The following EGFLAM variants were observed in gnomAD, a reference collection of about 807,000 sequenced individuals.
EGFLAM encodes the protein pikachurin.
EGFLAM carries 79 observed loss-of-function variants against 113.1 expected under a neutral mutation model. That is an observed-to-expected ratio of 0.70 (90% CI 0.58 to 0.84). EGFLAM has a LOEUF of 0.84. Among genes scored for constraint, EGFLAM ranks in the 40% least tolerant of loss-of-function variants. EGFLAM has a pLI of 0.00. For synonymous variants in EGFLAM, 504 were observed against 487.6 expected (o/e 1.03, Z -0.44); for missense variants, 1,265 against 1,291.6 (o/e 0.98, Z 0.32).
chr5:38,260,673 A>G (rs1045141521), intron 1 of EGFLAM, among the ~76,000 whole-genome samples: 2 of 152,206 alleles, frequency 1.3e-5, no homozygotes, highest in African/African-American at 4.8e-5. Flanking sequence ...TTCAACCTAG[A>G]AGAGTTTTAT....
intron 1 of EGFLAM, among the ~76,000 whole-genome samples, chr5:38,326,801 ATT>A (rs377427126): frequency 7.4e-5 from 10 of 134,608 alleles, no homozygotes; most frequent in Admixed American, 1.5e-4. Flanking sequence ...CCGTAAGGGT[ATT>A]TTTTTTTTTT....
At chr5:38,285,992 G>C (rs1440743296) in intron 1 of EGFLAM, 2 of 152,144 alleles carry the variant, frequency 1.3e-5, no homozygotes, top group East Asian at 3.9e-4. Flanking sequence ...CCATGATTTA[G>C]TTCCAACTGA....
At chr5:38,365,619 G>C (rs2112022842) in intron 5 of EGFLAM, among the ~76,000 whole-genome samples, 1 of 152,198 alleles carries the variant, frequency 6.6e-6, no homozygotes, top group Middle Eastern at 3.4e-3. Flanking sequence ...TCAATTTAAT[G>C]GTCTTTTACC....
At chr5:38,276,362 C>G (rs1417612587) in intron 1 of EGFLAM, among the ~76,000 whole-genome samples, 2 of 152,078 alleles carry the variant, frequency 1.3e-5, no homozygotes, top group African/African-American at 2.4e-5. Flanking sequence ...ATAAATTGAA[C>G]TATTTCTTGA....
chr5:38,445,406 T>C, intron 17 of EGFLAM: 1 of 1,202,014 alleles, frequency 8.3e-7, no homozygotes, highest in East Asian at 2.9e-5. Context: ...ATTCTAAACA[T>C]CTTCTTGGTC....
chr5:38,334,543 T>G (rs1473718639), intron 1 of EGFLAM, among the ~76,000 whole-genome samples: 1 of 152,208 alleles, frequency 6.6e-6, no homozygotes, highest in African/African-American at 2.4e-5. Flanking sequence ...TCTACAAATA[T>G]GATTACATTA....
chr5:38,304,115 A>G (rs1002702816), intron 1 of EGFLAM, among the ~76,000 whole-genome samples: 4 of 139,822 alleles, frequency 2.9e-5, no homozygotes, highest in East Asian at 2.0e-4. Flanking sequence ...GGCAACAAGA[A>G]CAAAACTCCA....
At position 38,463,817 on chromosome 5, in the gene EGFLAM, C is replaced by G. The variant is rs773955623; in HGVS notation, c.2876-15C>G. On this transcript the variant is annotated splice_polypyrimidine_tract_variant and intron_variant, in intron 21 of 21. Coordinates refer to ENST00000322350, the MANE Select transcript of EGFLAM (RefSeq NM_152403.4). ...GTCCTTTGGCTCACCTCATCTCCCT[C>G]TTGCTTCCTGGCAGGTGGAATGAAG... is the stretch of plus-strand genomic sequence containing the variant. 1.2e-6 allele frequency: 2 copies of G among 1,611,458 alleles called. No homozygotes were observed. The highest frequency in any genetic ancestry group is 3.3e-5 in the Admixed American group (2 of 60,020).
chr5:38,336,570 T>TACACACACACACACACACACACACACAC (rs148241267), intron 1 of EGFLAM, among the ~76,000 whole-genome samples: 5 of 142,182 alleles, frequency 3.5e-5, no homozygotes, highest in African/African-American at 1.1e-4. Context: ...TGAGACTCCG[T>TACACACACACACACACACACACACACAC]ACACACACAC....
At chr5:38,286,430 G>A (rs1478173260) in intron 1 of EGFLAM, 6 of 152,190 alleles carry the variant, frequency 3.9e-5, no homozygotes. Flanking sequence ...ACATCTTATA[G>A]TCGATTCCAA....
chr5:38,394,793 G>A (rs1024718863), intron 6 of EGFLAM, among the ~76,000 whole-genome samples: 3 of 144,496 alleles, frequency 2.1e-5, no homozygotes, highest in South Asian at 4.3e-4. Flanking sequence ...ACAACTCTTC[G>A]CATCTTACTC....
At chr5:38,409,252 A>G (rs1741395447) in intron 10 of EGFLAM, 148 bp downstream of exon 10, 1 of 688,582 alleles carries the variant, frequency 1.5e-6, no homozygotes, top group Non-Finnish European at 2.4e-6. Context: ...CCAGTTTACC[A>G]AATACTGGTG....
chr5:38,409,251 C>A, intron 10 of EGFLAM, 147 bp downstream of exon 10: 1 of 687,616 alleles, frequency 1.5e-6, no homozygotes, highest in South Asian at 2.1e-5. Context: ...ACCAGTTTAC[C>A]AAATACTGGT....
In EGFLAM at chr5:38,269,656, AT is replaced by A. The variant is rs565333015; in HGVS notation, c.97+10811del. Among the ~76,000 whole-genome samples, 48 of 151,936 alleles carry A rather than the reference AT, an allele frequency of 3.2e-4. No individual in the cohort carries two copies. In the South Asian group the frequency reaches 4.8e-3, roughly 15 times the overall value. On this transcript the variant is annotated intron_variant, in intron 1 of 21. Coordinates refer to ENST00000322350, the MANE Select transcript of EGFLAM (RefSeq NM_152403.4). ...AGGTGCGCGCCACCATGCCCAGCTA[AT>A]TTTTTATATTTTTAGTAGAGACGGG...
Position 38,464,868 on chromosome 5 carries a change from T to C in EGFLAM, c.*882T>C, listed in dbSNP as rs1036702934. ...GAGCTGACCATTCTCTTTTGGTAAA[T>C]GTTGACGGCTCAAGAGGATGAATAT... On this transcript the variant is annotated 3_prime_UTR_variant, in exon 22 of 22. Transcript: ENST00000322350. 14 of 152,192 alleles carry C rather than the reference T, an allele frequency of 9.2e-5. No individual in the cohort carries two copies. Among genetic ancestry groups the C allele is most frequent in the African/African-American group, 3.4e-4 (14 of 41,440 alleles). The allele number at this position is 152,192 out of a possible 1,614,324, so 9.4% of individuals were successfully genotyped here.
chr5:38,283,055 G>C (rs977173171), intron 1 of EGFLAM, among the ~76,000 whole-genome samples: 1 of 152,078 alleles, frequency 6.6e-6, no homozygotes, highest in East Asian at 1.9e-4. Context: ...AGGTCTCATT[G>C]TATTGCTCAG....
At chr5:38,319,257 G>T (rs1246880844) in intron 1 of EGFLAM, among the ~76,000 whole-genome samples, 5 of 152,128 alleles carry the variant, frequency 3.3e-5, no homozygotes, top group African/African-American at 1.2e-4. Flanking sequence ...ACAGGGGTCT[G>T]ATGTGGAGAG....
At chr5:38,423,106 C>T (rs1025460868) in intron 12 of EGFLAM, among the ~76,000 whole-genome samples, 5 of 152,210 alleles carry the variant, frequency 3.3e-5, no homozygotes, top group African/African-American at 1.2e-4. Context: ...TTGCAGAAGC[C>T]AGGTCCTGTT....
chr5:38,438,331 T>C lies in EGFLAM; in HGVS notation c.2340T>C (p.Asn780=). 1 of 1,614,080 alleles carries C rather than the reference T, an allele frequency of 6.2e-7. No homozygotes were observed. The highest frequency in any genetic ancestry group is 8.5e-7 in the Non-Finnish European group (1 of 1,179,990). ...HVKHDFTSGV[N]VENAAHPCVR... is the part of the protein sequence containing the mutation. ...AGCATGACTTCACCTCCGGAGTGAA[T>C]GTGGAGAATGCGGCCCACCCCTGTG... The change falls in exon 17 of 22, where the codon AAT becomes AAC. Residue 780 remains asparagine (N), a synonymous_variant. Transcript: ENST00000322350.
Sources: allele counts gnomAD v4.1 joint callset (sites outside exome capture counted in the v4.1 genomes callset), GRCh38; gene constraint gnomAD v4.1.1; transcripts MANE v1.5; gene names NCBI Gene and HGNC (gene_info 2026-07-23, HGNC 2026-07-21).